ARB2A: variants seen among roughly 807,000 people sequenced by gnomAD.
The protein encoded by ARB2A is cotranscriptional regulator ARB2A.
chr5:93,985,599 T>A, the ARB2A span, among the ~76,000 whole-genome samples: 29 of 152,278 alleles, frequency 1.9e-4, no homozygotes, highest in Admixed American at 9.8e-4. Context: ...GGATTTTGTA[T>A]TTTTTGGTGG....
At chr5:93,627,443 GT>G in the ARB2A span, among the ~76,000 whole-genome samples, 375 of 130,536 alleles carry the variant, frequency 2.9e-3, no homozygotes, top group South Asian at 0.01. Flanking sequence ...AATGTGTTTT[GT>G]TTTTTTTTTT....
chr5:93,842,752 C>T, the ARB2A span, among the ~76,000 whole-genome samples: 1 of 152,172 alleles, frequency 6.6e-6, no homozygotes, highest in Non-Finnish European at 1.5e-5. Flanking sequence ...GTGACATGTA[C>T]ATGCTAAAAT....
chr5:93,626,566 C>A, the ARB2A span, among the ~76,000 whole-genome samples: 1 of 152,002 alleles, frequency 6.6e-6, no homozygotes, highest in East Asian at 1.9e-4. Context: ...GTGAATCACA[C>A]TTTTTTTTGG....
At chr5:93,741,074 T>C in the ARB2A span, 14 of 1,613,952 alleles carry the variant, frequency 8.7e-6, no homozygotes, top group South Asian at 1.4e-4. Flanking sequence ...AAGCGGCAGA[T>C]GGTCGTCTGG....
the ARB2A span, among the ~76,000 whole-genome samples, chr5:93,842,388 T>G: frequency 6.6e-6 from 1 of 152,184 alleles, no homozygotes; most frequent in Non-Finnish European, 1.5e-5. Flanking sequence ...TAAAGTAGTT[T>G]AAGAAAAAAT....
the ARB2A span, among the ~76,000 whole-genome samples, chr5:93,773,739 T>G: frequency 5.3e-5 from 8 of 152,264 alleles, no homozygotes; most frequent in South Asian, 1.7e-3. Flanking sequence ...GCTAATAAAC[T>G]TTTCCATGAT....
At chr5:93,936,050 T>G in the ARB2A span, among the ~76,000 whole-genome samples, 1 of 152,188 alleles carries the variant, frequency 6.6e-6, no homozygotes, top group Admixed American at 6.5e-5. Flanking sequence ...ATTTTTATCA[T>G]GCTTGAACAT....
chr5:93,955,208 T>C, the ARB2A span, among the ~76,000 whole-genome samples: 158 of 152,298 alleles, frequency 1.0e-3, 1 homozygote, highest in African/African-American at 3.7e-3. Context: ...GTGAGGACAT[T>C]TGGTGAAGGC....
chr5:93,966,310 T>C, the ARB2A span, among the ~76,000 whole-genome samples: 1 of 152,036 alleles, frequency 6.6e-6, no homozygotes, highest in Non-Finnish European at 1.5e-5. Flanking sequence ...TGCCAAATAC[T>C]TGAGACATAA....
At chr5:93,773,095 C>T in the ARB2A span, among the ~76,000 whole-genome samples, 14 of 152,300 alleles carry the variant, frequency 9.2e-5, 1 homozygote, top group Admixed American at 3.3e-4. Flanking sequence ...ATGGGACTGC[C>T]TTCTTTTCCC....
the ARB2A span, among the ~76,000 whole-genome samples, chr5:93,828,580 C>A: frequency 6.6e-6 from 1 of 152,310 alleles, no homozygotes; most frequent in South Asian, 2.1e-4. Context: ...ATGACCACAA[C>A]AATCTCTAGC....
At chr5:93,784,382 C>T in the ARB2A span, 2 of 1,611,948 alleles carry the variant, frequency 1.2e-6, no homozygotes, top group Non-Finnish European at 1.7e-6. Context: ...CCAAGTCTCA[C>T]CTCTCTCATC....
the ARB2A span, among the ~76,000 whole-genome samples, chr5:93,803,753 A>C: frequency 1.3e-5 from 2 of 151,432 alleles, no homozygotes; most frequent in Admixed American, 6.6e-5. Flanking sequence ...ATTTTTGGAC[A>C]TAAGAATTTT....
At chr5:94,056,211 T>C in the ARB2A span, among the ~76,000 whole-genome samples, 3 of 152,216 alleles carry the variant, frequency 2.0e-5, no homozygotes, top group South Asian at 4.1e-4. Context: ...TCTGATTATA[T>C]AGAATAAACA....
the ARB2A span, among the ~76,000 whole-genome samples, chr5:93,842,288 G>A: frequency 1.3e-5 from 2 of 152,186 alleles, no homozygotes; most frequent in Admixed American, 1.3e-4. Context: ...ACACAGTCAT[G>A]TACACTTGTT....
At chr5:93,935,880 C>A in the ARB2A span, among the ~76,000 whole-genome samples, 1 of 151,680 alleles carries the variant, frequency 6.6e-6, no homozygotes, top group East Asian at 1.9e-4. Flanking sequence ...AGCTTTAATA[C>A]GGCAGAAAAA....
chr5:93,942,148 T>A, the ARB2A span, among the ~76,000 whole-genome samples: 2 of 152,146 alleles, frequency 1.3e-5, no homozygotes, highest in Non-Finnish European at 2.9e-5. Flanking sequence ...CTGTCTTCTG[T>A]CAAGAGTTGA....
the ARB2A span, among the ~76,000 whole-genome samples, chr5:94,100,800 A>G: frequency 3.3e-5 from 5 of 152,356 alleles, no homozygotes; most frequent in South Asian, 1.0e-3. Flanking sequence ...AATGGATTAC[A>G]GATTTAAATG....
chr5:93,760,800 T>C, the ARB2A span, among the ~76,000 whole-genome samples: 4 of 152,218 alleles, frequency 2.6e-5, no homozygotes, highest in African/African-American at 9.6e-5. Flanking sequence ...ATAAAAATTC[T>C]AGAAGATAAC....
Sources: allele counts gnomAD v4.1 joint callset (sites outside exome capture counted in the v4.1 genomes callset), GRCh38; gene constraint gnomAD v4.1.1; transcripts MANE v1.5; gene names NCBI Gene and HGNC (gene_info 2026-07-23, HGNC 2026-07-21).